Variants in DPF3 observed in about 807,000 individuals in gnomAD.
DPF3 encodes zinc finger protein DPF3.
Under a neutral mutation model 56.8 loss-of-function variants are expected in DPF3, and 18 were observed. The ratio of observed to expected loss-of-function variants is 0.32; its 90% confidence interval spans 0.22 to 0.47. The LOEUF (loss-of-function observed/expected upper bound fraction) is 0.47. Among genes scored for constraint, DPF3 ranks in the 20% least tolerant of loss-of-function variants. The probability of loss-of-function intolerance (pLI) is 1.00; values close to 1 mark genes in which losing one functional copy is unlikely to be tolerated. For missense variants in DPF3, 403 were observed against 488.8 expected (o/e 0.82, Z 1.65); for synonymous variants, 188 against 180.2 (o/e 1.04, Z -0.35).
intron 2 of DPF3, 64 bp downstream of exon 2, chr14:72,771,669 C>A (rs1049314991): frequency 1.3e-6 from 2 of 1,533,990 alleles, no homozygotes; most frequent in Non-Finnish European, 1.8e-6. Context: ...AGACAAGCTG[C>A]GGTCCTCCTC....
chr14:72,667,162 C>T (rs1277113574), intron 8 of DPF3, among the ~76,000 whole-genome samples: 1 of 152,074 alleles, frequency 6.6e-6, no homozygotes, highest in African/African-American at 2.4e-5. Context: ...CTCTAAAATA[C>T]CGGTAGCAAA....
At chr14:72,839,779 G>A (rs1410797110) in intron 1 of DPF3, among the ~76,000 whole-genome samples, 1 of 152,214 alleles carries the variant, frequency 6.6e-6, no homozygotes, top group Non-Finnish European at 1.5e-5. Context: ...TCACTCAGTG[G>A]TGGCTGAGTT....
intron 1 of DPF3, chr14:72,836,494 C>G (rs1054532754): frequency 4.1e-6 from 4 of 985,492 alleles, no homozygotes; most frequent in Middle Eastern, 1.0e-3. Flanking sequence ...ACTAGGTCTT[C>G]CCTTGGGGTT....
intron 1 of DPF3, among the ~76,000 whole-genome samples, chr14:72,779,204 G>C (rs1293043715): frequency 1.3e-5 from 2 of 152,232 alleles, no homozygotes; most frequent in African/African-American, 4.8e-5. Flanking sequence ...GCATGCTTGT[G>C]CACAGTCTGC....
intron 1 of DPF3, among the ~76,000 whole-genome samples, chr14:72,831,304 G>A (rs1174135720): frequency 6.6e-6 from 1 of 151,686 alleles, no homozygotes; most frequent in Admixed American, 6.6e-5. Context: ...ACCCCACCAA[G>A]ACCACCTCCC....
chr14:72,633,495 C>T (rs925038839), intron 8 of DPF3, among the ~76,000 whole-genome samples: 4 of 152,076 alleles, frequency 2.6e-5, no homozygotes, highest in Admixed American at 1.3e-4. Context: ...AAGAGAGAAA[C>T]ATGGCAAGAG....
intron 1 of DPF3, among the ~76,000 whole-genome samples, chr14:72,835,924 C>T (rs1418417300): frequency 1.3e-5 from 2 of 152,144 alleles, no homozygotes; most frequent in African/African-American, 4.8e-5. Context: ...ATGGTTCATC[C>T]CCCTTATTTG....
At position 72,614,237 on chromosome 14, in the gene DPF3, C is replaced by T. The variant is rs114254968; in HGVS notation, c.*5060G>A. ...AGCTATGGAGCCCACCTTCTGACCACGGACCAGTTAGACTCTATGGCAAGC... is the reference window on the plus strand; with the variant it reads ...AGCTATGGAGCCCACCTTCTGACCATGGACCAGTTAGACTCTATGGCAAGC... On this transcript the variant is annotated 3_prime_UTR_variant, in exon 11 of 11. Coordinates refer to ENST00000556509, the MANE Select transcript of DPF3 (RefSeq NM_001280542.3). Among the ~76,000 whole-genome samples the T allele has an allele frequency of 6.6e-3, 1,009 of 152,300 alleles. 20 individuals are homozygous for T. The highest frequency in any genetic ancestry group is 0.023 in the African/African-American group (971 of 41,564).
chr14:72,792,339 A>G (rs767920870), intron 1 of DPF3, among the ~76,000 whole-genome samples: 3 of 152,186 alleles, frequency 2.0e-5, no homozygotes, highest in Non-Finnish European at 4.4e-5. Flanking sequence ...TCTGCAGCCA[A>G]AAGGCACATT....
At chr14:72,762,350 G>A (rs1891102038) in intron 2 of DPF3, among the ~76,000 whole-genome samples, 3 of 151,694 alleles carry the variant, frequency 2.0e-5, no homozygotes, top group African/African-American at 7.2e-5. Flanking sequence ...AACAAAGTGG[G>A]GTTTATCCTA....
intron 1 of DPF3, among the ~76,000 whole-genome samples, chr14:72,800,577 C>G (rs1892842772): frequency 6.8e-6 from 1 of 146,700 alleles, no homozygotes; most frequent in Admixed American, 6.7e-5. Context: ...TGCATGCATG[C>G]ATGGATGGAT....
intron 5 of DPF3, among the ~76,000 whole-genome samples, chr14:72,714,732 T>A (rs929431960): frequency 6.6e-6 from 1 of 152,058 alleles, no homozygotes. Context: ...CAAGAGGTGG[T>A]TTCTACTAGG....
intron 1 of DPF3, among the ~76,000 whole-genome samples, chr14:72,791,625 C>T (rs190050866): frequency 6.6e-5 from 10 of 152,344 alleles, no homozygotes; most frequent in Admixed American, 3.9e-4. Context: ...CAAACAAAGC[C>T]GCCATCACAG....
chr14:72,715,159 C>G (rs772081516), intron 5 of DPF3, among the ~76,000 whole-genome samples: 14 of 152,338 alleles, frequency 9.2e-5, no homozygotes, highest in Middle Eastern at 6.8e-3. Flanking sequence ...TGTGGTCTGC[C>G]TTGGGCCTTC....
At chr14:72,697,428 G>A (rs113774084) in intron 6 of DPF3, among the ~76,000 whole-genome samples, 54 of 152,158 alleles carry the variant, frequency 3.5e-4, no homozygotes, top group Non-Finnish European at 3.8e-4. Flanking sequence ...GTAGGGTAGG[G>A]CTTCCCAGAG....
intron 8 of DPF3, among the ~76,000 whole-genome samples, chr14:72,644,619 C>A (rs1324208868): frequency 6.6e-6 from 1 of 152,118 alleles, no homozygotes; most frequent in East Asian, 1.9e-4. Context: ...TCTATTTGGC[C>A]TATTCAATAC....
chr14:72,777,736 C>T (rs1240305209), intron 1 of DPF3, among the ~76,000 whole-genome samples: 4 of 151,910 alleles, frequency 2.6e-5, no homozygotes, highest in East Asian at 1.9e-4. Context: ...TCCCTGCTGA[C>T]TCTCTCTCTC....
At chr14:72,659,901 A>G (rs548524385) in intron 8 of DPF3, among the ~76,000 whole-genome samples, 1 of 152,320 alleles carries the variant, frequency 6.6e-6, no homozygotes, top group Admixed American at 6.5e-5. Context: ...TGACACATCT[A>G]CGTAAATAAT....
intron 4 of DPF3, chr14:72,731,543 G>A: frequency 2.2e-6 from 1 of 448,178 alleles, no homozygotes; most frequent in Non-Finnish European, 4.1e-6. Context: ...CAGTCCCTGT[G>A]TTCACTAGGC....
Sources: gnomAD v4.1 joint callset for allele counts (sites outside exome capture counted in the v4.1 genomes callset) on GRCh38, gnomAD v4.1.1 for gene constraint, MANE v1.5 for transcripts, NCBI Gene and HGNC (gene_info 2026-07-23, HGNC 2026-07-21) for gene names.